The following ENO3 variants were observed in gnomAD, a reference collection of about 807,000 sequenced individuals.
ENO3 encodes beta-enolase.
ENO3 carries 46 observed loss-of-function variants against 47.7 expected under a neutral mutation model. The observed-to-expected ratio is 0.96, with a 90% confidence interval of 0.76 to 1.23. The LOEUF (loss-of-function observed/expected upper bound fraction) is 1.23. Ranked by LOEUF, ENO3 falls within the 50% of genes most tolerant of loss-of-function variation. ENO3 has a pLI of 0.00. For missense variants in ENO3, 575 were observed against 566.2 expected, an observed-to-expected ratio of 1.02 and a Z score of -0.16; for synonymous variants, 223 against 225.9, an observed-to-expected ratio of 0.99 and a Z score of 0.11.
At chr17:4,953,898 G>T (rs1033911736) in intron 6 of ENO3, 53 bp downstream of exon 6, 1 of 1,613,078 alleles carries the variant, frequency 6.2e-7, no homozygotes, top group East Asian at 2.2e-5. Flanking sequence ...AGCCAACCCC[G>T]CCCAGCCAGG....
chr17:4,950,540 T>C (rs2151138016), upstream of ENO3: 1 of 985,222 alleles, frequency 1.0e-6, no homozygotes, highest in Non-Finnish European at 1.2e-6. Flanking sequence ...CTAAATTCGT[T>C]TCCTGTCCCC....
At chr17:4,954,955 T>A in intron 6 of ENO3, 120 bp from the exon 7 acceptor site, 4 of 716,026 alleles carry the variant, frequency 5.6e-6, no homozygotes, top group African/African-American at 1.8e-5. Context: ...AAACTACTCA[T>A]CCTAGACCAC....
At chr17:4,951,792 A>C (rs1473081681) in intron 1 of ENO3, 36 bp from the exon 2 acceptor site, 1 of 1,604,748 alleles carries the variant, frequency 6.2e-7, no homozygotes, top group South Asian at 1.1e-5. Flanking sequence ...TTAAGAGATC[A>C]ACTGTCTACA....
intron 6 of ENO3, 44 bp from the exon 7 acceptor site, chr17:4,955,031 T>A: frequency 6.8e-7 from 1 of 1,480,898 alleles, no homozygotes; most frequent in Non-Finnish European, 9.3e-7. Flanking sequence ...CTTCTTGAGC[T>A]CTCATGCCCC....
At chr17:4,956,735 G>C in intron 10 of ENO3, 54 bp downstream of exon 10, 3 of 1,613,914 alleles carry the variant, frequency 1.9e-6, no homozygotes, top group Non-Finnish European at 2.5e-6. Context: ...TGGGGTCCCT[G>C]GCCTCCTGCC....
chr17:4,956,302 C>T (rs1328701221), intron 9 of ENO3, 159 bp downstream of exon 9: 6 of 947,894 alleles, frequency 6.3e-6, no homozygotes, highest in Non-Finnish European at 4.9e-6. Context: ...TAATCCTTGG[C>T]CTGACTCCAA....
upstream of ENO3, among the ~76,000 whole-genome samples, chr17:4,950,862 T>C (rs1219744254): frequency 2.0e-5 from 3 of 152,178 alleles, no homozygotes; most frequent in East Asian, 3.9e-4. Flanking sequence ...AGACCCCTCA[T>C]CTGTAGCCCC....
At position 4,951,123 on chromosome 17, in the gene ENO3, C is replaced by A; in HGVS notation, c.-62C>A. On this transcript the variant is annotated 5_prime_UTR_variant, in exon 1 of 12. It adds an upstream start codon to the 5' untranslated region. Transcript: ENST00000519602. ...CAGCCTGAGAGGGGGTGAGCTGACA[C>A]TGTCCCAGCTGCCACCTAGACTCGG... The A allele has an allele frequency of 1.0e-6, 1 of 988,418 alleles. No individual in the cohort carries two copies. Among genetic ancestry groups the A allele is most frequent in the Non-Finnish European group, 1.2e-6 (1 of 831,848 alleles). The allele number at this position is 988,418 out of a possible 1,614,324, so 61.2% of individuals were successfully genotyped here. A position where few individuals can be genotyped will look rare whatever the true frequency, so the allele number is the denominator to read the frequency against.
chr17:4,956,773 G>C, intron 10 of ENO3, 58 bp from the exon 11 acceptor site: 1 of 1,614,082 alleles, frequency 6.2e-7, no homozygotes, highest in Non-Finnish European at 8.5e-7. Context: ...CTTGGGGCCA[G>C]GTCCAACCCC....
chr17:4,952,172 T>C (rs1971560029), intron 2 of ENO3: 8 of 547,736 alleles, frequency 1.5e-5, no homozygotes, highest in South Asian at 1.1e-4. Context: ...TGTGAGGTCC[T>C]TTTTTTTGTT....
At position 4,953,286 on chromosome 17, in the gene ENO3, G is replaced by A. The variant is rs200608211; in HGVS notation, c.255G>A (p.Val85=). The change falls in exon 5 of 12, where the codon GTG becomes GTA. Residue 85 remains valine, a synonymous_variant. Coordinates refer to ENST00000519602, the MANE Select transcript of ENO3 (RefSeq NM_053013.4). Reference sequence around the variant, plus strand: ...CACCCTTCCAGAAACTAAGCGTTGTGGATCAAGAAAAAGTTGACAAATTTA... The same window carrying A: ...CACCCTTCCAGAAACTAAGCGTTGTAGATCAAGAAAAAGTTGACAAATTTA... ...PALLQKKLSV[V]DQEKVDKFMI... is the part of the protein sequence containing the mutation. The A allele has an allele frequency of 2.5e-6, 4 of 1,614,132 alleles. No individual in the cohort carries two copies. The highest frequency in any genetic ancestry group is 3.4e-6 in the Non-Finnish European group (4 of 1,179,982).
chr17:4,953,571 C>T, intron 5 of ENO3, 141 bp from the exon 6 acceptor site: 1 of 1,534,496 alleles, frequency 6.5e-7, no homozygotes, highest in South Asian at 1.1e-5. Flanking sequence ...TGGGGGTTCC[C>T]AGGGCTACTC....
intron 9 of ENO3, 107 bp from the exon 10 acceptor site, chr17:4,956,466 C>T (rs904070496): frequency 1.7e-5 from 18 of 1,083,626 alleles, no homozygotes; most frequent in Non-Finnish European, 2.3e-5. Flanking sequence ...CACTGCCCTC[C>T]CTGCAGAGTG....
intron 7 of ENO3, 44 bp from the exon 8 acceptor site, chr17:4,955,363 C>A (rs756436497): frequency 9.9e-6 from 16 of 1,614,186 alleles, no homozygotes; most frequent in Non-Finnish European, 1.3e-5. Context: ...AGGCTGCAGA[C>A]AAGGGGCACT....
intron 2 of ENO3, chr17:4,952,437 G>A (rs912221697): frequency 1.7e-5 from 6 of 344,438 alleles, no homozygotes; most frequent in Non-Finnish European, 2.8e-5. Context: ...TCCGCCTCCC[G>A]GGTTCACGCC....
rs527787748 is a variant in ENO3, at chr17:4,951,294, C to T, written c.-3+112C>T. ...TTTTTTCCTCCTGGGACTGGAGATG[C>T]TTGAAAAAGCTGGGGGAAGGGGCGG... On this transcript the variant is annotated intron_variant, in intron 1 of 11. Coordinates refer to ENST00000519602, the MANE Select transcript of ENO3 (RefSeq NM_053013.4). 5.9e-6 allele frequency: 6 copies of T among 1,011,154 alleles called. No homozygotes were observed. In the South Asian group the frequency reaches 1.9e-4, roughly 33 times the overall value. 62.6% of individuals were successfully genotyped at this position (1,011,154 alleles called of 1,614,324 possible).
intron 10 of ENO3, 60 bp downstream of exon 10, chr17:4,956,741 C>A (rs1971749064): frequency 2.5e-6 from 4 of 1,613,904 alleles, no homozygotes; most frequent in Admixed American, 1.7e-5. Flanking sequence ...CCCTGGCCTC[C>A]TGCCTTTGAG....
At chr17:4,951,089 A>T, upstream of ENO3, 2 of 985,524 alleles carry the variant, frequency 2.0e-6, no homozygotes, top group Non-Finnish European at 2.4e-6. Flanking sequence ...TGGCTCAGGG[A>T]TAAATGCGCA....
At chr17:4,953,211 A>G (rs930161930) in intron 4 of ENO3, 61 bp from the exon 5 acceptor site, 5 of 1,612,826 alleles carry the variant, frequency 3.1e-6, no homozygotes, top group South Asian at 1.1e-5. Flanking sequence ...CTTCCCCTGC[A>G]TGTGCCCTGA....
Sources: gnomAD v4.1 joint callset for allele counts (sites outside exome capture counted in the v4.1 genomes callset) on GRCh38, gnomAD v4.1.1 for gene constraint, MANE v1.5 for transcripts, NCBI Gene and HGNC (gene_info 2026-07-23, HGNC 2026-07-21) for gene names.